USP28: variants seen among roughly 807,000 people sequenced by gnomAD.
The protein encoded by USP28 is ubiquitin carboxyl-terminal hydrolase 28.
In USP28, 113 loss-of-function variants were observed where a neutral mutation model predicts 145.0. That is an observed-to-expected ratio of 0.78 (90% CI 0.67 to 0.91). USP28 has a LOEUF of 0.91. Among genes scored for constraint, USP28 ranks in the 40% least tolerant of loss-of-function variants. The pLI is 0.00. For missense variants in USP28, 1,201 were observed against 1,289.6 expected (o/e 0.93, Z 1.05); for synonymous variants, 447 against 450.9 (o/e 0.99, Z 0.11).
At chr11:113,835,528 C>T (rs921976514) in intron 5 of USP28, among the ~76,000 whole-genome samples, 3 of 152,216 alleles carry the variant, frequency 2.0e-5, no homozygotes, top group Non-Finnish European at 4.4e-5. Context: ...GAGTGTTCAA[C>T]CGGACTGAAG....
chr11:113,869,385 C>T (rs187574222), intron 1 of USP28, among the ~76,000 whole-genome samples: 5 of 152,214 alleles, frequency 3.3e-5, no homozygotes, highest in African/African-American at 4.8e-5. Context: ...GCTGATCTCA[C>T]GCCACTGTAC....
At position 113,852,642 on chromosome 11, in the gene USP28, GAA is replaced by G; in HGVS notation, c.136-11_136-10del. 6.2e-7 allele frequency: 1 copy of G among 1,609,910 alleles called. No individual in the cohort carries two copies. Among genetic ancestry groups the G allele is most frequent in the African/African-American group, 1.4e-5 (1 of 73,248 alleles). ...ATGTCACCATTACTGGCCTATGGGA[GAA>G]AAAGACAATAGAAATTTCAAAAGTA... On this transcript the variant is annotated splice_polypyrimidine_tract_variant and intron_variant, in intron 2 of 24. Coordinates refer to ENST00000003302, the Ensembl canonical transcript of USP28.
At chr11:113,826,337 A>ATTTTTTTT (rs71063527) in intron 11 of USP28, among the ~76,000 whole-genome samples, 6 of 50,766 alleles carry the variant, frequency 1.2e-4, no homozygotes, top group East Asian at 1.7e-3. Context: ...CACCACACCC[A>ATTTTTTTT]TTTTTTTTTT....
At chr11:113,803,948 T>A in intron 21 of USP28, 71 bp from the exon 23 acceptor site, 2 of 1,358,772 alleles carry the variant, frequency 1.5e-6, no homozygotes, top group South Asian at 1.2e-5. Flanking sequence ...ATCTAAGTTT[T>A]AAATTCATTA....
exon 22 of USP28, chr11:113,803,807 T>A: frequency 6.2e-7 from 1 of 1,613,600 alleles, no homozygotes; most frequent in Non-Finnish European, 8.5e-7. Context: ...CTTTCCTTTT[T>A]GATAGAGTTC....
intron 1 of USP28, chr11:113,874,431 A>G (rs1365114285): frequency 2.4e-5 from 24 of 1,011,152 alleles, no homozygotes; most frequent in Non-Finnish European, 2.9e-5. Flanking sequence ...TCGAAAAAAA[A>G]AAAAAAAAAA....
intron 1 of USP28, among the ~76,000 whole-genome samples, chr11:113,856,676 C>T (rs547206457): frequency 4.6e-5 from 7 of 152,040 alleles, no homozygotes; most frequent in East Asian, 1.9e-4. Flanking sequence ...TGCAAAAAAA[C>T]GCAAATATCT....
intron 12 of USP28, chr11:113,821,770 C>T (rs933135814): frequency 5.2e-6 from 1 of 192,776 alleles, no homozygotes; most frequent in Non-Finnish European, 1.1e-5. Flanking sequence ...TTCAGAAAGC[C>T]TCTCTGTTCC....
At chr11:113,825,791 A>G (rs1432909659) in intron 11 of USP28, among the ~76,000 whole-genome samples, 1 of 152,230 alleles carries the variant, frequency 6.6e-6, no homozygotes, top group African/African-American at 2.4e-5. Flanking sequence ...AAATGGTAAC[A>G]TTATAGGGTC....
intron 5 of USP28, among the ~76,000 whole-genome samples, chr11:113,836,656 C>T (rs1308699549): frequency 2.6e-5 from 4 of 152,144 alleles, no homozygotes; most frequent in Non-Finnish European, 5.9e-5. Flanking sequence ...TTTCTATTTC[C>T]AGGGCTACCA....
At chr11:113,804,041 TAA>T (rs979249519) in intron 21 of USP28, among the ~76,000 whole-genome samples, 164 bp from the exon 23 acceptor site, 8 of 152,212 alleles carry the variant, frequency 5.3e-5, no homozygotes, top group Non-Finnish European at 1.2e-4. Flanking sequence ...ACATTTAAAA[TAA>T]AAGTCTACCA....
intron 1 of USP28, among the ~76,000 whole-genome samples, 194 bp downstream of exon 1, chr11:113,875,251 A>G: frequency 6.6e-6 from 1 of 152,070 alleles, no homozygotes; most frequent in East Asian, 1.9e-4. Context: ...GGACGCGAAG[A>G]TGCAGTCCTC....
At chr11:113,868,656 C>A (rs1948523877) in intron 1 of USP28, among the ~76,000 whole-genome samples, 1 of 152,142 alleles carries the variant, frequency 6.6e-6, no homozygotes, top group Admixed American at 6.5e-5. Flanking sequence ...TACCATGGTT[C>A]ACGCCTGTAA....
At chr11:113,813,221 A>C (rs1941259282) in intron 15 of USP28, among the ~76,000 whole-genome samples, 1 of 152,204 alleles carries the variant, frequency 6.6e-6, no homozygotes, top group Non-Finnish European at 1.5e-5. Context: ...CCTGCGTTTT[A>C]CATGGTGCAT....
intron 1 of USP28, among the ~76,000 whole-genome samples, chr11:113,868,777 G>T (rs1948538029): frequency 6.6e-6 from 1 of 151,128 alleles, no homozygotes; most frequent in Non-Finnish European, 1.5e-5. Flanking sequence ...AAAAATATTA[G>T]CTAGGCATGG....
intron 3 of USP28, among the ~76,000 whole-genome samples, chr11:113,849,749 G>A (rs1565463464): frequency 1.3e-5 from 2 of 152,194 alleles, no homozygotes; most frequent in Non-Finnish European, 2.9e-5. Flanking sequence ...CTGTCTGCCA[G>A]GAAGAGAAAG....
At chr11:113,810,974 C>T (rs191776892) in intron 16 of USP28, among the ~76,000 whole-genome samples, 2 of 152,282 alleles carry the variant, frequency 1.3e-5, no homozygotes, top group Admixed American at 6.5e-5. Flanking sequence ...CATGCCGGGG[C>T]GATGTTTCCT....
At chr11:113,815,469 ATG>A in intron 13 of USP28, 87 bp from the exon 14 acceptor site, 2 of 1,250,364 alleles carry the variant, frequency 1.6e-6, no homozygotes, top group South Asian at 1.4e-5. Flanking sequence ...AAGATGCTAT[ATG>A]AAAAAGTACA....
rs1304504156 is a variant in USP28, at chr11:113,852,491, TG to T, written c.268+9del. The stretch of plus-strand genomic sequence containing the variant: ...CAGCAAAGGACCAAGACAGGATATA[TG>T]GTACCTACTTGCTAATACTTCCTTG... On this transcript the variant is annotated intron_variant, in intron 3 of 24. Transcript: ENST00000003302. The T allele has an allele frequency of 6.2e-7, 1 of 1,614,136 alleles. No individual in the cohort carries two copies. The highest frequency in any genetic ancestry group is 1.7e-5 in the Admixed American group (1 of 60,020).
Sources: allele counts gnomAD v4.1 joint callset (sites outside exome capture counted in the v4.1 genomes callset), GRCh38; gene constraint gnomAD v4.1.1; transcripts MANE v1.5; gene names NCBI Gene and HGNC (gene_info 2026-07-23, HGNC 2026-07-21).